Variants in FBXL13 observed in about 807,000 individuals in gnomAD.
FBXL13 encodes F-box and leucine rich repeat protein 13.
In FBXL13, 67 loss-of-function variants were observed where a neutral mutation model predicts 83.6. The observed-to-expected ratio is 0.80, with a 90% CI of 0.66 to 0.98. FBXL13 has a LOEUF of 0.98. Ranked by LOEUF, FBXL13 falls within the 50% of genes least tolerant of loss-of-function variation. The pLI, the probability that FBXL13 is intolerant of heterozygous loss-of-function variation, is 0.00. For synonymous variants in FBXL13, 272 were observed against 299.5 expected, an observed-to-expected ratio of 0.91 and a Z score of 0.95; for missense variants, 822 against 866.5, an observed-to-expected ratio of 0.95 and a Z score of 0.64.
chr7:103,057,913 G>A (rs1295230012), intron 1 of FBXL13, among the ~76,000 whole-genome samples: 2 of 151,936 alleles, frequency 1.3e-5, no homozygotes, highest in East Asian at 1.9e-4. Flanking sequence ...GGGGGTGGTC[G>A]GGATGCTTCA....
chr7:102,914,104 C>A (rs2129469222), intron 10 of FBXL13, among the ~76,000 whole-genome samples: 1 of 152,288 alleles, frequency 6.6e-6, no homozygotes, highest in Admixed American at 6.5e-5. Context: ...TCTTGTTGCC[C>A]AGCTGGAGTA....
chr7:102,942,983 TGAAA>T (rs1310182451), intron 8 of FBXL13, among the ~76,000 whole-genome samples: 1 of 146,162 alleles, frequency 6.8e-6, no homozygotes, highest in Admixed American at 6.7e-5. Context: ...TCTTAGAGGG[TGAAA>T]AAAGCTTTTT....
chr7:102,976,483 C>T (rs989073126), intron 6 of FBXL13, among the ~76,000 whole-genome samples: 7 of 152,174 alleles, frequency 4.6e-5, no homozygotes, highest in Admixed American at 1.3e-4. Context: ...TCCACTTCCA[C>T]GTTCCCCATA....
At chr7:103,053,209 G>A (rs1797006621) in intron 2 of FBXL13, among the ~76,000 whole-genome samples, 1 of 152,074 alleles carries the variant, frequency 6.6e-6, no homozygotes, top group Non-Finnish European at 1.5e-5. Flanking sequence ...CTGAAGCACA[G>A]TGGCGCAATC....
At chr7:102,912,671 A>AC (rs3832498) in intron 11 of FBXL13, among the ~76,000 whole-genome samples, 2,703 of 73,432 alleles carry the variant, frequency 0.037, 128 homozygotes, top group Non-Finnish European at 0.045. Context: ...ATAGCATTTT[A>AC]CCCCCCCCCC....
exon 10 of FBXL13, chr7:102,926,311 T>C: frequency 1.2e-6 from 2 of 1,613,976 alleles, no homozygotes. Flanking sequence ...GTGATAGTTG[T>C]GTTAGACAGA....
In FBXL13 at chr7:102,833,111, A is replaced by G; in HGVS notation, c.1720-137T>C. On this transcript the variant is annotated intron_variant, in intron 17 of 19. Coordinates refer to ENST00000313221, the Ensembl canonical transcript of FBXL13. Reference sequence around the variant, plus strand: ...TCTTGATGCCCCCAAAAAATAATTTAAAAAACCCATGTTACATCCAACATC... The same window carrying G: ...TCTTGATGCCCCCAAAAAATAATTTGAAAAACCCATGTTACATCCAACATC... The G allele has an allele frequency of 7.9e-6, 7 of 886,222 alleles. 1 individual carries two copies. The South Asian group carries it at 1.3e-4, about 16-fold the overall frequency. 54.9% of individuals were successfully genotyped at this position (886,222 alleles called of 1,614,324 possible).
At chr7:102,956,412 C>T (rs1015219568) in intron 8 of FBXL13, among the ~76,000 whole-genome samples, 13 of 151,604 alleles carry the variant, frequency 8.6e-5, no homozygotes, top group African/African-American at 2.9e-4. Context: ...TTATGACAAA[C>T]CCACAGCCAA....
At chr7:102,965,796 T>C (rs1417346313) in intron 7 of FBXL13, among the ~76,000 whole-genome samples, 2 of 152,206 alleles carry the variant, frequency 1.3e-5, no homozygotes, top group Non-Finnish European at 2.9e-5. Flanking sequence ...TACTTTAATA[T>C]CAACAAACGT....
chr7:102,973,759 A>C, intron 6 of FBXL13: 1 of 765,464 alleles, frequency 1.3e-6, no homozygotes, highest in South Asian at 1.3e-5. Context: ...TCAGTCACTG[A>C]TCTCACCTAC....
At chr7:102,831,431 A>ACACACACCCCCCCCCCCC (rs1033135095) in intron 18 of FBXL13, among the ~76,000 whole-genome samples, 1 of 147,126 alleles carries the variant, frequency 6.8e-6, no homozygotes, top group South Asian at 2.2e-4. Flanking sequence ...ACACACACAC[A>ACACACACCCCCCCCCCCC]CCCCACTACA....
intron 19 of FBXL13, 105 bp from the exon 21 acceptor site, chr7:102,813,636 G>A (rs1470919818): frequency 8.8e-7 from 1 of 1,134,242 alleles, no homozygotes. Context: ...GTCACAATCT[G>A]AATTCACATG....
chr7:103,008,107 C>T (rs910744859), intron 6 of FBXL13, among the ~76,000 whole-genome samples: 4 of 152,146 alleles, frequency 2.6e-5, no homozygotes, highest in African/African-American at 4.8e-5. Context: ...CATGAGACCA[C>T]GTCTATGGTC....
At chr7:102,899,046 G>A (rs1395666640) in intron 11 of FBXL13, among the ~76,000 whole-genome samples, 1 of 152,152 alleles carries the variant, frequency 6.6e-6, no homozygotes, top group Non-Finnish European at 1.5e-5. Context: ...CTCCTGGGTA[G>A]CTGGGATTAC....
chr7:102,834,127 AAAG>A (rs1801378302), intron 17 of FBXL13, among the ~76,000 whole-genome samples: 1 of 112,266 alleles, frequency 8.9e-6, no homozygotes, highest in African/African-American at 4.3e-5. Flanking sequence ...AGAAAGAAAG[AAAG>A]AAAGAAAGAA....
rs568793708 is a variant in FBXL13 at position 102,933,958 on chromosome 7, G to A, written c.725-2025C>T. On this transcript the variant is annotated intron_variant, in intron 8 of 19. Transcript: ENST00000313221. ...TAATCTTGCTCTGCTTTTGCAAAGC[G>A]GCTGAGCTGCGCAAAGCAAGCCCAG... The A allele has an allele frequency of 2.3e-5, 37 of 1,613,538 alleles. No individual in the cohort carries two copies. The Admixed American group carries it at 4.0e-4, about 17-fold the overall frequency.
chr7:103,051,672 G>A (rs931713207), intron 2 of FBXL13, among the ~76,000 whole-genome samples: 5 of 152,328 alleles, frequency 3.3e-5, no homozygotes, highest in South Asian at 4.1e-4. Context: ...TGAACAATTT[G>A]CAAGTCAGGT....
chr7:102,911,217 T>C (rs1417538651), intron 11 of FBXL13, among the ~76,000 whole-genome samples: 1 of 152,212 alleles, frequency 6.6e-6, no homozygotes, highest in Non-Finnish European at 1.5e-5. Flanking sequence ...GTCATAGATT[T>C]GAAGCCTCTC....
At chr7:102,877,404 A>G in intron 16 of FBXL13, 63 bp downstream of exon 17, 1 of 1,303,420 alleles carries the variant, frequency 7.7e-7, no homozygotes, top group Middle Eastern at 2.8e-4. Context: ...TTATTTACAA[A>G]ATAGCAAATA....
Sources: gnomAD v4.1 joint callset for allele counts (sites outside exome capture counted in the v4.1 genomes callset) on GRCh38, gnomAD v4.1.1 for gene constraint, MANE v1.5 for transcripts, NCBI Gene and HGNC (gene_info 2026-07-23, HGNC 2026-07-21) for gene names.